The following ZNF423 variants were observed in gnomAD, a reference collection of about 807,000 sequenced individuals.
ZNF423 encodes Ebf-associated zinc finger protein.
In ZNF423, 12 loss-of-function variants were observed where a neutral mutation model predicts 95.8. The ratio of observed to expected loss-of-function variants is 0.13; its 90% CI spans 0.08 to 0.20. The LOEUF is 0.20. Ranked by LOEUF, ZNF423 falls within the 10% of genes least tolerant of loss-of-function variation. ZNF423 has a pLI of 1.00. For missense variants in ZNF423, 1,316 were observed against 1,737.1 expected, an observed-to-expected ratio of 0.76 and a Z score of 4.31; for synonymous variants, 749 against 711.9, an observed-to-expected ratio of 1.05 and a Z score of -0.83.
chr16:49,546,540 C>T (rs528406999), intron 5 of ZNF423, among the ~76,000 whole-genome samples: 7 of 152,140 alleles, frequency 4.6e-5, no homozygotes, highest in South Asian at 2.1e-4. Context: ...AGATAGTTGG[C>T]GGCTATAAAG....
At chr16:49,586,117 G>T (rs185657232) in intron 5 of ZNF423, among the ~76,000 whole-genome samples, 1 of 152,190 alleles carries the variant, frequency 6.6e-6, no homozygotes, top group Non-Finnish European at 1.5e-5. Flanking sequence ...AACTCTCCTG[G>T]CCTCACCTGG....
intron 5 of ZNF423, among the ~76,000 whole-genome samples, chr16:49,585,798 G>C (rs11642742): frequency 0.08 from 12,139 of 152,252 alleles, 659 homozygotes; most frequent in East Asian, 0.15. Flanking sequence ...CAAGGTGTCC[G>C]TCATGAGAGG....
At chr16:49,632,652 T>C (rs1420676) in intron 4 of ZNF423, among the ~76,000 whole-genome samples, 87,768 of 151,998 alleles carry the variant, frequency 0.58, 28,137 homozygotes, top group African/African-American at 0.88. Context: ...CTTGGGTATA[T>C]GGCATCACCT....
intron 5 of ZNF423, among the ~76,000 whole-genome samples, chr16:49,619,911 C>A (rs1366915312): frequency 6.6e-6 from 1 of 152,160 alleles, no homozygotes; most frequent in Non-Finnish European, 1.5e-5. Flanking sequence ...GAGACACTGA[C>A]TTCCACTCCA....
chr16:49,854,653 A>G, intron 1 of ZNF423: 2 of 985,346 alleles, frequency 2.0e-6, no homozygotes, highest in South Asian at 9.4e-5. Context: ...GAGGGGCTAG[A>G]ATCGGGACAA....
chr16:49,758,242 G>A (rs1207747447), intron 2 of ZNF423, among the ~76,000 whole-genome samples: 3 of 152,170 alleles, frequency 2.0e-5, no homozygotes, highest in African/African-American at 4.8e-5. Context: ...GGGTTCATGC[G>A]ATTCTCCTGC....
intron 2 of ZNF423, chr16:49,780,471 C>G (rs2143767855): frequency 6.6e-6 from 1 of 152,370 alleles, no homozygotes; most frequent in South Asian, 2.1e-4. Flanking sequence ...CATACTTACA[C>G]ACAAGCACAC....
intron 1 of ZNF423, among the ~76,000 whole-genome samples, chr16:49,807,967 T>C (rs2034691581): frequency 6.6e-6 from 1 of 152,244 alleles, no homozygotes; most frequent in African/African-American, 2.4e-5. Flanking sequence ...ATCAACTCCC[T>C]GCTTTTTCTT....
At chr16:49,834,747 C>A (rs928459140) in intron 1 of ZNF423, among the ~76,000 whole-genome samples, 1 of 152,092 alleles carries the variant, frequency 6.6e-6, no homozygotes, top group African/African-American at 2.4e-5. Context: ...GGGGCCGGGC[C>A]GGCTCAGCCT....
intron 3 of ZNF423, among the ~76,000 whole-genome samples, chr16:49,727,011 G>A (rs1459227694): frequency 1.3e-5 from 2 of 152,142 alleles, no homozygotes; most frequent in East Asian, 3.9e-4. Context: ...CCAGGGGCTG[G>A]AGAGGAACAA....
At chr16:49,789,370 G>T in intron 2 of ZNF423, 117 bp downstream of exon 2, 2 of 960,146 alleles carry the variant, frequency 2.1e-6, no homozygotes, top group Non-Finnish European at 1.5e-6. Flanking sequence ...GTCTGGATTG[G>T]AGGCAGGAAT....
intron 5 of ZNF423, among the ~76,000 whole-genome samples, chr16:49,611,727 T>C (rs1215032554): frequency 1.1e-4 from 16 of 151,876 alleles, no homozygotes; most frequent in East Asian, 9.7e-4. Context: ...ATTGATAAAA[T>C]TGACAATTCT....
At chr16:49,537,724 G>A (rs1019786110) in intron 5 of ZNF423, among the ~76,000 whole-genome samples, 2 of 152,062 alleles carry the variant, frequency 1.3e-5, no homozygotes, top group Non-Finnish European at 2.9e-5. Flanking sequence ...TCCTTCACTC[G>A]CTCCCCTAAC....
At chr16:49,809,081 G>A (rs2034710324) in intron 1 of ZNF423, among the ~76,000 whole-genome samples, 1 of 152,260 alleles carries the variant, frequency 6.6e-6, no homozygotes, top group Admixed American at 6.5e-5. Flanking sequence ...ACACTTGCCA[G>A]ATGTGGCCAC....
At chr16:49,565,694 G>C (rs182916239) in intron 5 of ZNF423, among the ~76,000 whole-genome samples, 2 of 152,182 alleles carry the variant, frequency 1.3e-5, no homozygotes, top group Non-Finnish European at 2.9e-5. Context: ...CAGACCCATC[G>C]GGGCTCCGTG....
chr16:49,556,455 G>A (rs535506690), intron 5 of ZNF423, among the ~76,000 whole-genome samples: 4 of 152,238 alleles, frequency 2.6e-5, no homozygotes, highest in Admixed American at 6.5e-5. Context: ...GACTATTCAC[G>A]TGAGAGCGGA....
intron 1 of ZNF423, chr16:49,854,562 T>G: frequency 1.0e-6 from 1 of 985,368 alleles, no homozygotes; most frequent in African/African-American, 1.7e-5. Context: ...GGCTTTTGGC[T>G]CCGTAGACTT....
intron 5 of ZNF423, among the ~76,000 whole-genome samples, chr16:49,555,141 G>A (rs1013006957): frequency 6.6e-6 from 1 of 152,052 alleles, no homozygotes; most frequent in Non-Finnish European, 1.5e-5. Flanking sequence ...TCAAAAACTA[G>A]GATTTTTCCC....
chr16:49,559,713 T>C (rs899212470), intron 5 of ZNF423, among the ~76,000 whole-genome samples: 1 of 152,208 alleles, frequency 6.6e-6, no homozygotes, highest in Non-Finnish European at 1.5e-5. Flanking sequence ...AGGTCTACTG[T>C]CTACATCAGT....
Sources: gnomAD v4.1 joint callset for allele counts (sites outside exome capture counted in the v4.1 genomes callset) on GRCh38, gnomAD v4.1.1 for gene constraint, MANE v1.5 for transcripts, NCBI Gene and HGNC (gene_info 2026-07-23, HGNC 2026-07-21) for gene names.